The following PDE8B variants were observed in gnomAD, a reference collection of about 807,000 sequenced individuals.
PDE8B encodes high affinity cAMP-specific and IBMX-insensitive 3',5'-cyclic phosphodiesterase 8B.
Under a neutral mutation model 101.3 loss-of-function variants are expected in PDE8B, and 26 were observed. That is an observed-to-expected ratio of 0.26 (90% confidence interval 0.19 to 0.36). PDE8B has a LOEUF of 0.36. Ranked by LOEUF, PDE8B falls within the 10% of genes least tolerant of loss-of-function variation. The pLI, the probability that PDE8B is intolerant of heterozygous loss-of-function variation, is 1.00. For synonymous variants in PDE8B, 424 were observed against 429.3 expected, an observed-to-expected ratio of 0.99 and a Z score of 0.15; for missense variants, 810 against 1,163.1, an observed-to-expected ratio of 0.70 and a Z score of 4.42.
the PDE8B span, among the ~76,000 whole-genome samples, chr5:77,181,670 G>A: frequency 6.6e-6 from 1 of 152,190 alleles, no homozygotes; most frequent in Non-Finnish European, 1.5e-5. Flanking sequence ...CAGTTGAGTG[G>A]TGGTTATTTG....
At chr5:77,314,494 T>C (rs1450848990) in intron 2 of PDE8B, among the ~76,000 whole-genome samples, 1 of 152,142 alleles carries the variant, frequency 6.6e-6, no homozygotes, top group Non-Finnish European at 1.5e-5. Flanking sequence ...TATTACTATG[T>C]TAACAATTTT....
chr5:77,365,995 T>C (rs1179319237), intron 10 of PDE8B, among the ~76,000 whole-genome samples: 1 of 152,184 alleles, frequency 6.6e-6, no homozygotes, highest in Non-Finnish European at 1.5e-5. Flanking sequence ...TGGGGACAAA[T>C]ACAACAAAAA....
intron 1 of PDE8B, among the ~76,000 whole-genome samples, chr5:77,302,815 A>G (rs1321859490): frequency 6.6e-6 from 1 of 152,190 alleles, no homozygotes; most frequent in Non-Finnish European, 1.5e-5. Flanking sequence ...AGCCATAGAA[A>G]GGGGCCCAGG....
chr5:77,139,929 T>G, the PDE8B span: 5 of 152,230 alleles, frequency 3.3e-5, no homozygotes, highest in Non-Finnish European at 7.3e-5. Flanking sequence ...TGGGCATTAC[T>G]TTTTCTGTTA....
chr5:77,149,601 ATTC>A, the PDE8B span, among the ~76,000 whole-genome samples: 1 of 152,132 alleles, frequency 6.6e-6, no homozygotes, highest in African/African-American at 2.4e-5. Context: ...ATTTCTGTTT[ATTC>A]TTTTTGAGGC....
At chr5:77,103,810 C>G in the PDE8B span, among the ~76,000 whole-genome samples, 1 of 152,212 alleles carries the variant, frequency 6.6e-6, no homozygotes, top group African/African-American at 2.4e-5. Context: ...GAGACAGCTT[C>G]TTAGCCTTTC....
At chr5:77,091,614 C>T in the PDE8B span, among the ~76,000 whole-genome samples, 3 of 152,086 alleles carry the variant, frequency 2.0e-5, no homozygotes, top group Admixed American at 1.3e-4. Context: ...GCACTCCAGA[C>T]TGGGCGACAG....
chr5:77,155,295 A>G, the PDE8B span, among the ~76,000 whole-genome samples: 3 of 152,350 alleles, frequency 2.0e-5, no homozygotes, highest in Admixed American at 6.5e-5. Context: ...ACACTATGCA[A>G]TGCAACACAA....
At chr5:77,219,730 T>C (rs922042886) in intron 1 of PDE8B, among the ~76,000 whole-genome samples, 1 of 152,212 alleles carries the variant, frequency 6.6e-6, no homozygotes, top group African/African-American at 2.4e-5. Flanking sequence ...GGATTGACAG[T>C]CTTGGCCGAG....
chr5:77,361,326 G>A (rs1224187402), intron 10 of PDE8B, among the ~76,000 whole-genome samples: 1 of 152,092 alleles, frequency 6.6e-6, no homozygotes, highest in African/African-American at 2.4e-5. Flanking sequence ...TGAAGAAAAT[G>A]TTAATAATAC....
At chr5:77,405,805 T>G (rs1793310135) in intron 12 of PDE8B, among the ~76,000 whole-genome samples, 1 of 152,062 alleles carries the variant, frequency 6.6e-6, no homozygotes, top group Non-Finnish European at 1.5e-5. Flanking sequence ...AACAGACTAG[T>G]AGATTTCACT....
At chr5:77,212,042 T>C (rs756889929) in intron 1 of PDE8B, among the ~76,000 whole-genome samples, 2 of 152,102 alleles carry the variant, frequency 1.3e-5, no homozygotes, top group Non-Finnish European at 2.9e-5. Context: ...ATTGTTTAGA[T>C]GGTTAAAGCA....
At chr5:77,357,579 C>T (rs1424512803) in intron 10 of PDE8B, among the ~76,000 whole-genome samples, 2 of 152,208 alleles carry the variant, frequency 1.3e-5, no homozygotes, top group Non-Finnish European at 2.9e-5. Flanking sequence ...CCCAGCAGGT[C>T]CTGGATCATG....
At chr5:77,341,807 G>C (rs896249233) in intron 6 of PDE8B, among the ~76,000 whole-genome samples, 1 of 152,150 alleles carries the variant, frequency 6.6e-6, no homozygotes, top group Non-Finnish European at 1.5e-5. Flanking sequence ...TTTTATTCTT[G>C]TTTCTTATTT....
At chr5:77,359,322 G>A (rs948874484) in intron 10 of PDE8B, among the ~76,000 whole-genome samples, 3 of 152,180 alleles carry the variant, frequency 2.0e-5, no homozygotes, top group African/African-American at 2.4e-5. Flanking sequence ...CTTGGCTTGC[G>A]AGGGAAAGGG....
intron 1 of PDE8B, among the ~76,000 whole-genome samples, chr5:77,220,717 C>T (rs1454299129): frequency 6.6e-6 from 1 of 152,158 alleles, no homozygotes; most frequent in Non-Finnish European, 1.5e-5. Context: ...AATTAGAACT[C>T]CCATTTCTTT....
rs1748164840 is a variant in PDE8B at position 77,210,967 on chromosome 5, G to C, written c.42G>C (p.Val14=). 1 of 1,533,004 alleles carries C rather than the reference G, an allele frequency of 6.5e-7. No homozygotes were observed. Among genetic ancestry groups the C allele is most frequent in the Non-Finnish European group, 8.7e-7 (1 of 1,149,596 alleles). The allele number at this position is 1,533,004 out of a possible 1,614,324, so 95.0% of individuals were successfully genotyped here. ...APSIHVSQSG[V]IYCRDSDESS... is the part of the protein sequence containing the mutation. ...GCATCCATGTCTCGCAGAGCGGCGT[G>C]ATCTACTGCCGGGACTCGGACGAGT... The change falls in exon 1 of 22, where the codon GTG becomes GTC. Residue 14 remains valine (V), a synonymous_variant. Coordinates refer to ENST00000264917, the MANE Select transcript of PDE8B (RefSeq NM_003719.5). The surrounding 1 kb of genome is among the most constrained non-coding windows in gnomAD (Gnocchi z 4.9).
At chr5:77,398,597 AG>A (rs887844829) in intron 10 of PDE8B, among the ~76,000 whole-genome samples, 1 of 152,118 alleles carries the variant, frequency 6.6e-6, no homozygotes, top group African/African-American at 2.4e-5. Context: ...CTGGGATTAC[AG>A]GAGTGAGCCA....
At chr5:77,264,303 C>G (rs1761232131) in intron 1 of PDE8B, among the ~76,000 whole-genome samples, 1 of 152,322 alleles carries the variant, frequency 6.6e-6, no homozygotes. Flanking sequence ...ATTGCTGGGT[C>G]ATATGGTAAC....
Sources: gnomAD v4.1 joint callset for allele counts (sites outside exome capture counted in the v4.1 genomes callset) on GRCh38, gnomAD v4.1.1 for gene constraint, Gnocchi (gnomAD v3.1) non-coding constraint, MANE v1.5 for transcripts, NCBI Gene and HGNC (gene_info 2026-07-23, HGNC 2026-07-21) for gene names.